CTNNA2: variants seen among roughly 807,000 people sequenced by gnomAD.
CTNNA2 encodes catenin alpha-2.
In CTNNA2, 42 loss-of-function variants were observed where a neutral mutation model predicts 101.0. The observed-to-expected ratio is 0.42, with a 90% CI of 0.32 to 0.54. CTNNA2 has a LOEUF of 0.54. Ranked by LOEUF, CTNNA2 falls within the 20% of genes least tolerant of loss-of-function variation. The probability of loss-of-function intolerance (pLI) is 0.14; values close to 1 mark genes in which losing one functional copy is unlikely to be tolerated. For missense variants in CTNNA2, 871 were observed against 1,223.1 expected (o/e 0.71, Z 4.29); for synonymous variants, 450 against 456.4 (o/e 0.99, Z 0.18).
chr2:80,334,579 A>G (rs1190802795), intron 7 of CTNNA2, among the ~76,000 whole-genome samples: 1 of 152,210 alleles, frequency 6.6e-6, no homozygotes, highest in Admixed American at 6.5e-5. Flanking sequence ...GTCACCCTAC[A>G]TTTCTCAGAC....
Position 80,400,194 on chromosome 2 carries a change from C to G in CTNNA2, c.1137+6903C>G, listed in dbSNP as rs114959734. On this transcript the variant is annotated intron_variant, in intron 8 of 18. Coordinates refer to ENST00000402739, the MANE Select transcript of CTNNA2 (RefSeq NM_001282597.3). ...AATATATCTGTTCCATTTGACCCCT[C>G]CTTGCTGAGGTTACCTTTTATTACC... 3.5e-3 allele frequency among the ~76,000 whole-genome samples: 529 copies of G among 152,308 alleles called. 4 individuals carry two copies. The highest frequency in any genetic ancestry group is 0.012 in the African/African-American group (501 of 41,574).
intron 1 of CTNNA2, among the ~76,000 whole-genome samples, chr2:79,563,242 A>C (rs1183054168): frequency 6.6e-6 from 1 of 151,090 alleles, no homozygotes; most frequent in Admixed American, 6.6e-5. Flanking sequence ...TGATACATTT[A>C]TAAATGCATA....
intron 7 of CTNNA2, among the ~76,000 whole-genome samples, chr2:80,121,782 C>T (rs1246696595): frequency 6.6e-6 from 1 of 152,092 alleles, no homozygotes; most frequent in South Asian, 2.1e-4. Context: ...GATGAATCAA[C>T]CCCATAGAAG....
chr2:80,607,567 C>T (rs965153419), intron 16 of CTNNA2, among the ~76,000 whole-genome samples: 3 of 151,912 alleles, frequency 2.0e-5, no homozygotes, highest in East Asian at 3.9e-4. Context: ...GCTTCAGATA[C>T]ATTCTGTCAA....
intron 7 of CTNNA2, among the ~76,000 whole-genome samples, chr2:79,987,635 G>T (rs2103874159): frequency 6.6e-6 from 1 of 152,308 alleles, no homozygotes; most frequent in East Asian, 1.9e-4. Flanking sequence ...ATAAATGATA[G>T]AAATGAATAA....
At chr2:79,297,387 TC>T (rs1330251862) in intron 2 of CTNNA2, among the ~76,000 whole-genome samples, 2 of 152,220 alleles carry the variant, frequency 1.3e-5, no homozygotes, top group African/African-American at 4.8e-5. Flanking sequence ...TCCTTCTTTT[TC>T]TTCCCAGTCA....
chr2:79,220,278 A>G (rs998540662), intron 2 of CTNNA2, among the ~76,000 whole-genome samples: 1 of 152,158 alleles, frequency 6.6e-6, no homozygotes, highest in African/African-American at 2.4e-5. Flanking sequence ...CTCTTATTCC[A>G]ACTAAGTTTG....
intron 9 of CTNNA2, among the ~76,000 whole-genome samples, chr2:80,484,665 A>G (rs1686407983): frequency 1.3e-5 from 2 of 152,170 alleles, no homozygotes; most frequent in East Asian, 1.9e-4. Context: ...TCATTCTGTG[A>G]TAATGTACAT....
intron 12 of CTNNA2, among the ~76,000 whole-genome samples, chr2:80,566,035 A>C (rs79172367): frequency 0.023 from 3,503 of 152,264 alleles, 67 homozygotes; most frequent in Middle Eastern, 0.054. Flanking sequence ...AGAAATTTTC[A>C]TGTGTCCTGC....
intron 9 of CTNNA2, among the ~76,000 whole-genome samples, chr2:80,509,086 C>T (rs958987546): frequency 6.6e-6 from 1 of 152,172 alleles, no homozygotes; most frequent in African/African-American, 2.4e-5. Flanking sequence ...AGTCTGTGCT[C>T]AGGAGGCTGT....
chr2:79,360,216 C>T (rs1677596754), intron 3 of CTNNA2, among the ~76,000 whole-genome samples: 1 of 152,034 alleles, frequency 6.6e-6, no homozygotes, highest in Non-Finnish European at 1.5e-5. Context: ...CCTACGAGTG[C>T]CATTCGGAAA....
chr2:79,632,061 G>A (rs1223555544), intron 1 of CTNNA2, among the ~76,000 whole-genome samples: 4 of 152,080 alleles, frequency 2.6e-5, no homozygotes, highest in African/African-American at 7.2e-5. Context: ...TGAAACAGTC[G>A]CAGTGGTTTT....
At chr2:80,513,364 C>T (rs1573091075) in intron 9 of CTNNA2, among the ~76,000 whole-genome samples, 1 of 152,312 alleles carries the variant, frequency 6.6e-6, no homozygotes, top group East Asian at 1.9e-4. Context: ...AGTTGTTTAG[C>T]TGGGCTTTAG....
intron 15 of CTNNA2, among the ~76,000 whole-genome samples, chr2:80,598,745 T>C (rs1438715129): frequency 2.0e-5 from 3 of 152,214 alleles, no homozygotes; most frequent in Non-Finnish European, 4.4e-5. Context: ...AACCTTTAGA[T>C]AATTATGCTG....
chr2:80,532,802 C>T (rs559544678), intron 9 of CTNNA2, among the ~76,000 whole-genome samples: 25 of 151,978 alleles, frequency 1.6e-4, no homozygotes, highest in Admixed American at 1.2e-3. Context: ...GTTATATTAC[C>T]TAGGAGAAGA....
intron 2 of CTNNA2, among the ~76,000 whole-genome samples, chr2:79,707,118 A>G (rs1685434342): frequency 6.6e-6 from 1 of 152,178 alleles, no homozygotes; most frequent in Admixed American, 6.5e-5. Flanking sequence ...CCATTGAGAA[A>G]GGCACTGCTT....
chr2:79,801,992 CAAA>C (rs57124311), intron 3 of CTNNA2, among the ~76,000 whole-genome samples: 30 of 63,832 alleles, frequency 4.7e-4, no homozygotes, highest in African/African-American at 1.2e-3. Flanking sequence ...AACTCTGTCT[CAAA>C]AAAAAAAAAA....
At chr2:79,388,964 C>T (rs140879364) in intron 4 of CTNNA2, among the ~76,000 whole-genome samples, 226 of 152,246 alleles carry the variant, frequency 1.5e-3, no homozygotes, top group African/African-American at 5.1e-3. Context: ...GTGAACACTA[C>T]CACATTTAAC....
intron 7 of CTNNA2, among the ~76,000 whole-genome samples, chr2:80,065,314 G>A (rs1697906891): frequency 6.6e-6 from 1 of 152,062 alleles, no homozygotes; most frequent in South Asian, 2.1e-4. Flanking sequence ...TAGTGGTAAA[G>A]GCCATTGTAT....
Sources: gnomAD v4.1 joint callset for allele counts (sites outside exome capture counted in the v4.1 genomes callset) on GRCh38, gnomAD v4.1.1 for gene constraint, MANE v1.5 for transcripts, NCBI Gene and HGNC (gene_info 2026-07-23, HGNC 2026-07-21) for gene names.